Variants in CNTN6 observed in about 807,000 individuals in gnomAD.
CNTN6 encodes contactin 6.
In CNTN6, 137 loss-of-function variants were observed where a neutral mutation model predicts 122.8. The ratio of observed to expected loss-of-function variants is 1.12; its 90% CI spans 0.97 to 1.29. The LOEUF is 1.29. Ranked by LOEUF, CNTN6 falls within the 50% of genes most tolerant of loss-of-function variation. The pLI is 0.00. For missense variants in CNTN6, 1,634 were observed against 1,223.4 expected (o/e 1.34, Z -5.01); for synonymous variants, 570 against 426.0 (o/e 1.34, Z -4.16).
intron 11 of CNTN6, among the ~76,000 whole-genome samples, chr3:1,350,778 T>C (rs113061227): frequency 6.6e-6 from 1 of 151,900 alleles, no homozygotes; most frequent in Non-Finnish European, 1.5e-5. Flanking sequence ...TGGCCAATAG[T>C]TCAGGTTTCT....
chr3:1,376,804 G>A (rs938654455), intron 16 of CNTN6, among the ~76,000 whole-genome samples: 19 of 152,096 alleles, frequency 1.2e-4, no homozygotes, highest in African/African-American at 4.6e-4. Context: ...GAGCCAGGGT[G>A]CTCATGTATC....
At chr3:1,166,132 A>G (rs191592360) in intron 2 of CNTN6, among the ~76,000 whole-genome samples, 1 of 152,324 alleles carries the variant, frequency 6.6e-6, no homozygotes, top group East Asian at 1.9e-4. Flanking sequence ...GCTCATTGGC[A>G]TCAACTGTTC....
intron 2 of CNTN6, among the ~76,000 whole-genome samples, chr3:1,207,890 G>A (rs1322801016): frequency 6.6e-6 from 1 of 151,828 alleles, no homozygotes; most frequent in Non-Finnish European, 1.5e-5. Context: ...AACAGCTAAG[G>A]ACTTCAACAT....
intron 12 of CNTN6, among the ~76,000 whole-genome samples, chr3:1,360,083 A>C (rs1008356019): frequency 6.6e-6 from 1 of 152,098 alleles, no homozygotes; most frequent in African/African-American, 2.4e-5. Flanking sequence ...GAAATAATCC[A>C]AGAGATATAC....
chr3:1,222,568 A>G (rs1285306443), intron 3 of CNTN6, among the ~76,000 whole-genome samples: 1 of 112,340 alleles, frequency 8.9e-6, no homozygotes, highest in Non-Finnish European at 1.7e-5. Context: ...TTTATCTGTG[A>G]AAAAATAGAA....
chr3:1,143,606 A>G (rs2092661664), intron 1 of CNTN6, among the ~76,000 whole-genome samples: 1 of 152,180 alleles, frequency 6.6e-6, no homozygotes, highest in South Asian at 2.1e-4. Context: ...AAATAACTAC[A>G]CTTTTCTTAA....
At chr3:1,107,374 A>G (rs1043716577) in intron 1 of CNTN6, among the ~76,000 whole-genome samples, 9 of 152,088 alleles carry the variant, frequency 5.9e-5, no homozygotes, top group Non-Finnish European at 1.2e-4. Context: ...GTTCAATTCT[A>G]TAGATAATTA....
chr3:1,317,568 A>C (rs1285608657), intron 7 of CNTN6, among the ~76,000 whole-genome samples: 2 of 151,686 alleles, frequency 1.3e-5, no homozygotes, highest in Admixed American at 1.3e-4. Context: ...TTAGTTTCGG[A>C]TTTCAGAGAT....
intron 4 of CNTN6, among the ~76,000 whole-genome samples, chr3:1,243,724 C>T (rs955706729): frequency 5.3e-5 from 8 of 152,078 alleles, no homozygotes; most frequent in Admixed American, 2.6e-4. Flanking sequence ...GTAAATTGCT[C>T]GGCAGGTGGG....
At chr3:1,350,740 C>T (rs1705496331) in intron 11 of CNTN6, among the ~76,000 whole-genome samples, 1 of 151,666 alleles carries the variant, frequency 6.6e-6, no homozygotes, top group Non-Finnish European at 1.5e-5. Flanking sequence ...TATCAGCAGA[C>T]CTATCATTTC....
intron 1 of CNTN6, among the ~76,000 whole-genome samples, chr3:1,142,954 TTGTG>T (rs374380362): frequency 3.6e-5 from 5 of 137,460 alleles, no homozygotes; most frequent in African/African-American, 1.1e-4. Context: ...ACATATAAAT[TTGTG>T]TGTGTGTGTG....
rs1369571590 is a variant in CNTN6, at chr3:1,245,319, T to TATATA, written c.358+17327_358+17331dup. Among the ~76,000 whole-genome samples the TATATA allele has an allele frequency of 4.2e-3, 115 of 27,696 alleles. 13 individuals carry two copies. Among genetic ancestry groups the TATATA allele is most frequent in the African/African-American group, 0.011 (88 of 7,806 alleles). The allele number at this position is 27,696 out of a possible 152,430, so 18.2% of individuals were successfully genotyped here. A position where few individuals can be genotyped will look rare whatever the true frequency, so the allele number is the denominator to read the frequency against. ...ACATATATATATATATATATATATA[T>TATATA]ATATATATATATATATAGCATGGAA... On this transcript the variant is annotated intron_variant, in intron 4 of 22. Coordinates refer to ENST00000446702, the MANE Select transcript of CNTN6 (RefSeq NM_001289080.2).
chr3:1,146,113 A>T lies in CNTN6; in HGVS notation c.-82-1814A>T, dbSNP rs114614986. Among the ~76,000 whole-genome samples, 1,025 of 151,998 alleles carry T rather than the reference A, an allele frequency of 6.7e-3. 15 individuals carry two copies. Among genetic ancestry groups the T allele is most frequent in the African/African-American group, 0.023 (972 of 41,486 alleles). ...ATTACTCTGTATAATTCCAGTTTTT[A>T]CTCCATCTCTTTCATTCTCCACGGT... On this transcript the variant is annotated intron_variant, in intron 1 of 22. Coordinates refer to ENST00000446702, the MANE Select transcript of CNTN6 (RefSeq NM_001289080.2).
intron 11 of CNTN6, 78 bp from the exon 12 acceptor site, chr3:1,352,246 T>C (rs1705753144): frequency 7.7e-7 from 1 of 1,295,934 alleles, no homozygotes; most frequent in African/African-American, 1.5e-5. Flanking sequence ...TTAGTAAAGT[T>C]TTAAAATAAA....
rs759654333 is a variant in CNTN6 at position 1,385,786 on chromosome 3, C to G, written c.2693C>G (p.Thr898Ser). ...TCAAGCCCCCCAGTCAATGTTACCA[C>G]CAAAAAGTCTCGTAAGTATGCATAC... ...GPSSPPVNVT[T>S]KKSPPSQPPA... The change falls in exon 20 of 23, where the codon ACC becomes AGC. Residue 898 changes from threonine (T) to serine (S), a missense_variant. Coordinates refer to ENST00000446702, the MANE Select transcript of CNTN6 (RefSeq NM_001289080.2). 1.7e-5 allele frequency: 27 copies of G among 1,608,574 alleles called. No individual in the cohort carries two copies. Among genetic ancestry groups the G allele is most frequent in the Non-Finnish European group, 2.3e-5 (27 of 1,178,028 alleles).
At chr3:1,308,287 T>TG (rs1698678653) in intron 7 of CNTN6, among the ~76,000 whole-genome samples, 1 of 144,826 alleles carries the variant, frequency 6.9e-6, no homozygotes, top group Non-Finnish European at 1.5e-5. Flanking sequence ...ATGGGGTGTT[T>TG]TGTGTGTGTG....
At chr3:1,384,697 C>G (rs1279624011) in intron 19 of CNTN6, among the ~76,000 whole-genome samples, 1 of 143,390 alleles carries the variant, frequency 7.0e-6, no homozygotes, top group East Asian at 2.0e-4. Flanking sequence ...TACACACACA[C>G]ACACGTATAC....
intron 20 of CNTN6, 80 bp downstream of exon 20, chr3:1,385,877 CCACA>C: frequency 7.6e-7 from 1 of 1,318,102 alleles, no homozygotes. Flanking sequence ...CATTTCATTC[CCACA>C]CCTCATTTCT....
rs114036789 is a variant in CNTN6, at chr3:1,312,143, A to G, written c.762-9507A>G. Among the ~76,000 whole-genome samples, 312 of 152,150 alleles carry G rather than the reference A, an allele frequency of 2.1e-3. 4 individuals are homozygous for G. Among genetic ancestry groups the G allele is most frequent in the African/African-American group, 7.3e-3 (303 of 41,526 alleles). On this transcript the variant is annotated intron_variant, in intron 7 of 22. Coordinates refer to ENST00000446702, the MANE Select transcript of CNTN6 (RefSeq NM_001289080.2). ...GAGGGGCCACTGTCAAAGACCAGGG[A>G]CCTGCCCTAAAAGTTGGCCTCTTTT...
Sources: gnomAD v4.1 joint callset for allele counts (sites outside exome capture counted in the v4.1 genomes callset) on GRCh38, gnomAD v4.1.1 for gene constraint, MANE v1.5 for transcripts, NCBI Gene and HGNC (gene_info 2026-07-23, HGNC 2026-07-21) for gene names.